FRMD4A: variants seen among roughly 807,000 people sequenced by gnomAD.
FRMD4A encodes FERM domain-containing protein 4A.
Under a neutral mutation model 129.1 loss-of-function variants are expected in FRMD4A, and 29 were observed. That is an observed-to-expected ratio of 0.22 (90% CI 0.17 to 0.31). FRMD4A has a LOEUF of 0.31. FRMD4A is among the 10% of genes least tolerant of loss of function. The pLI, the probability that FRMD4A is intolerant of heterozygous loss-of-function variation, is 1.00. For synonymous variants in FRMD4A, 634 were observed against 571.6 expected (o/e 1.11, Z -1.56); for missense variants, 1,272 against 1,375.8 (o/e 0.92, Z 1.19).
chr10:14,232,548 A>G (rs1206863940), intron 2 of FRMD4A, among the ~76,000 whole-genome samples: 1 of 149,350 alleles, frequency 6.7e-6, no homozygotes, highest in African/African-American at 2.5e-5. Flanking sequence ...GATTCTTCCT[A>G]TCCATGAGTA....
At chr10:14,093,841 A>G (rs528392623) in intron 2 of FRMD4A, among the ~76,000 whole-genome samples, 1 of 152,176 alleles carries the variant, frequency 6.6e-6, no homozygotes, top group Non-Finnish European at 1.5e-5. Flanking sequence ...AGAATGTTTA[A>G]TTCTGCTTGC....
intron 3 of FRMD4A, among the ~76,000 whole-genome samples, chr10:13,816,237 G>C (rs2093540240): frequency 6.6e-6 from 1 of 152,016 alleles, no homozygotes; most frequent in East Asian, 1.9e-4. Flanking sequence ...GCCGTGAAGA[G>C]GGAGAAAATA....
rs746827130 is a variant in FRMD4A, at chr10:13,783,000, A to G, written c.306T>C (p.Tyr102=). The G allele has an allele frequency of 6.7e-6, 9 of 1,346,022 alleles. No homozygotes were observed. The African/African-American group carries it at 1.3e-4, about 19-fold the overall frequency. 83.4% of individuals were successfully genotyped at this position (1,346,022 alleles called of 1,614,324 possible). Residue 102 remains tyrosine, a synonymous_variant, in exon 6 of 25, where the codon TAT becomes TAC. Transcript: ENST00000357447. ...PVVLYFCVRF[Y]IESISYLKDN... is the part of the protein sequence containing the mutation. ...CCTTCAGGTATGAAATGCTTTCTAT[A>G]TAGAACCTGAAAGAGAAAAATGGTG...
At chr10:14,182,693 G>A (rs1296827007) in intron 2 of FRMD4A, among the ~76,000 whole-genome samples, 2 of 152,146 alleles carry the variant, frequency 1.3e-5, no homozygotes, top group African/African-American at 4.8e-5. Flanking sequence ...CACATATGCT[G>A]AGAACCTCCT....
intron 2 of FRMD4A, among the ~76,000 whole-genome samples, chr10:14,248,152 C>A (rs2132016093): frequency 6.6e-6 from 1 of 151,808 alleles, no homozygotes; most frequent in East Asian, 2.0e-4. Flanking sequence ...GCATAAGTGC[C>A]TTGTAAACAT....
rs575405219 is a variant in FRMD4A at position 14,090,221 on chromosome 10, C to T, written c.46-231309G>A. ...CCTGAGGTCCTGGAGGGCTGCAGGC[C>T]GACCGCTGCACGGGAGAGAATATAC... is the stretch of plus-strand genomic sequence containing the variant. On this transcript the variant is annotated intron_variant, in intron 2 of 24. Transcript: ENST00000357447. 6.6e-5 allele frequency among the ~76,000 whole-genome samples: 10 copies of T among 152,234 alleles called. No individual in the cohort carries two copies. The East Asian group carries it at 1.7e-3, about 27-fold the overall frequency.
At chr10:14,215,076 T>C (rs753921235) in intron 2 of FRMD4A, among the ~76,000 whole-genome samples, 1 of 152,210 alleles carries the variant, frequency 6.6e-6, no homozygotes, top group Non-Finnish European at 1.5e-5. Context: ...ACACCAACAG[T>C]TGGACTATTG....
At chr10:14,298,531 T>TTC (rs1315423453) in intron 2 of FRMD4A, among the ~76,000 whole-genome samples, 1 of 152,190 alleles carries the variant, frequency 6.6e-6, no homozygotes, top group Non-Finnish European at 1.5e-5. Flanking sequence ...TGTTGCCTGC[T>TTC]TCTGTGTGTT....
intron 2 of FRMD4A, among the ~76,000 whole-genome samples, chr10:13,940,739 C>T (rs1215175939): frequency 6.6e-6 from 1 of 152,214 alleles, no homozygotes; most frequent in Non-Finnish European, 1.5e-5. Context: ...GGGTGGACAA[C>T]AGCATCTTGA....
At chr10:14,111,171 A>G (rs767809985) in intron 2 of FRMD4A, among the ~76,000 whole-genome samples, 33 of 152,216 alleles carry the variant, frequency 2.2e-4, no homozygotes, top group Non-Finnish European at 3.7e-4. Flanking sequence ...CCTGATAACT[A>G]TCATTCTGCT....
In FRMD4A at chr10:13,802,003, C is replaced by CAAAAA. The variant is rs11426622; in HGVS notation, c.207-5420_207-5416dup. ...TTCATTGCCTTTGCCAATAATAATGCAAAAAAAAAAAAAAAAAAAGCATCC... is the reference window on the plus strand; with the variant it reads ...TTCATTGCCTTTGCCAATAATAATGCAAAAAAAAAAAAAAAAAAAAAAAAGCATCC... On this transcript the variant is annotated intron_variant, in intron 4 of 24. Transcript: ENST00000357447. Among the ~76,000 whole-genome samples, 29 of 109,468 alleles carry CAAAAA rather than the reference C, an allele frequency of 2.6e-4. 1 individual carries two copies. The highest frequency in any genetic ancestry group is 3.4e-4 in the African/African-American group (10 of 29,726). 71.8% of individuals were successfully genotyped at this position (109,468 alleles called of 152,430 possible).
intron 2 of FRMD4A, among the ~76,000 whole-genome samples, chr10:13,989,366 C>CT (rs1308855395): frequency 5.9e-5 from 9 of 151,428 alleles, no homozygotes; most frequent in Non-Finnish European, 1.2e-4. Flanking sequence ...ATTTTTTTTT[C>CT]TTTTTTTTGA....
chr10:13,825,048 A>T lies in FRMD4A; in HGVS notation c.112-14140T>A, dbSNP rs190315010. On this transcript the variant is annotated intron_variant, in intron 3 of 24. Transcript: ENST00000357447. ...CCAAGACTCCCAGTAGATACCTGAA[A>T]CCATGGGTAACACCAAACCCTATAT... Among the ~76,000 whole-genome samples the T allele has an allele frequency of 9.5e-4, 145 of 152,272 alleles. 1 individual carries two copies. The highest frequency in any genetic ancestry group is 3.4e-3 in the African/African-American group (140 of 41,526).
intron 13 of FRMD4A, among the ~76,000 whole-genome samples, chr10:13,702,145 C>T (rs895498276): frequency 6.6e-6 from 1 of 152,162 alleles, no homozygotes; most frequent in Non-Finnish European, 1.5e-5. Context: ...GATCTCAGCT[C>T]ACTGCAACCT....
At chr10:13,893,263 C>T (rs924158068) in intron 2 of FRMD4A, among the ~76,000 whole-genome samples, 1 of 152,088 alleles carries the variant, frequency 6.6e-6, no homozygotes, top group African/African-American at 2.4e-5. Context: ...TCTTAACTAC[C>T]TGTGTTATTT....
chr10:13,768,080 A>ATGTGTGTG (rs36052011), intron 6 of FRMD4A, among the ~76,000 whole-genome samples: 1,511 of 150,058 alleles, frequency 0.01, 16 homozygotes, highest in East Asian at 0.02. Flanking sequence ...GTCTGCAGGT[A>ATGTGTGTG]TGTGTGTGTG....
chr10:14,222,502 A>C (rs1325542989), intron 2 of FRMD4A, among the ~76,000 whole-genome samples: 1 of 152,188 alleles, frequency 6.6e-6, no homozygotes, highest in Non-Finnish European at 1.5e-5. Context: ...TGAGAGAGAG[A>C]GAGAAATAGA....
At chr10:13,665,119 G>A (rs182261498) in intron 18 of FRMD4A, among the ~76,000 whole-genome samples, 9 of 152,200 alleles carry the variant, frequency 5.9e-5, no homozygotes, top group East Asian at 3.9e-4. Flanking sequence ...TGATCCGCCC[G>A]CCTCAGCCTC....
intron 4 of FRMD4A, among the ~76,000 whole-genome samples, chr10:13,808,722 C>G (rs1188832312): frequency 6.6e-6 from 1 of 152,172 alleles, no homozygotes; most frequent in Non-Finnish European, 1.5e-5. Context: ...TCTGCTAGTT[C>G]TTTTTCAGAA....
Sources: allele counts gnomAD v4.1 joint callset (sites outside exome capture counted in the v4.1 genomes callset), GRCh38; gene constraint gnomAD v4.1.1; transcripts MANE v1.5; gene names NCBI Gene and HGNC (gene_info 2026-07-23, HGNC 2026-07-21).